Variants in ZNF316 observed in about 807,000 individuals in gnomAD.
ZNF316 encodes the protein zinc finger protein 316.
A neutral mutation model predicts 75.6 loss-of-function variants in ZNF316; 23 were observed. The observed-to-expected ratio is 0.30, with a 90% CI of 0.22 to 0.43. The LOEUF (loss-of-function observed/expected upper bound fraction) is 0.43. Ranked by LOEUF, ZNF316 falls within the 20% of genes least tolerant of loss-of-function variation. The pLI is 1.00. For synonymous variants in ZNF316, 827 were observed against 666.2 expected (o/e 1.24, Z -3.72); for missense variants, 1,266 against 1,409.4 (o/e 0.90, Z 1.63).
In ZNF316 at chr7:6,653,284, C is replaced by T. The variant is rs1779548510; in HGVS notation, c.1688C>T (p.Ala563Val). 1.8e-5 allele frequency: 22 copies of T among 1,227,562 alleles called. No individual in the cohort carries two copies. Among genetic ancestry groups the T allele is most frequent in the Non-Finnish European group, 2.0e-5 (20 of 985,868 alleles). 76.0% of individuals were successfully genotyped at this position (1,227,562 alleles called of 1,614,324 possible). A position where few individuals can be genotyped will look rare whatever the true frequency, so the allele number is the denominator to read the frequency against. ...AEEREEAAVAAPTPSGKVDPA... is the reference protein window; with the variant it reads ...AEEREEAAVAVPTPSGKVDPA... ...GAGAGAGAGGAGGCGGCGGTGGCGG[C>T]GCCCACCCCCAGCGGCAAGGTGGAC... Residue 563 changes from alanine to valine, a missense_variant, in exon 9 of 9, where the codon GCG becomes GTG. Physicochemically the swap from Ala to Val is moderately conservative, Grantham distance 64 (BLOSUM62 0). This residue lies in a region of ZNF316 where 961 missense variants were observed against 990.9 expected (regional missense o/e 0.97). Coordinates refer to ENST00000382252, the MANE Select transcript of ZNF316 (RefSeq NM_001278559.2).
rs28613348 is a variant in ZNF316, at chr7:6,652,326, A to G, written c.730A>G (p.Ile244Val). ...AGGAGCCTGGTTCTGGACGGACGAC[A>G]TAGAGGACCACGAGGAGGAAGACGA... Reference protein sequence around the residue: ...YTGAWFWTDDIEDHEEEDDED... With the variant: ...YTGAWFWTDDVEDHEEEDDED... Residue 244 changes from isoleucine (I) to valine (V), a missense_variant, in exon 9 of 9, where the codon ATA becomes GTA. This residue lies in a region of ZNF316 where 961 missense variants were observed against 990.9 expected (regional missense o/e 0.97). Coordinates refer to ENST00000382252, the MANE Select transcript of ZNF316 (RefSeq NM_001278559.2). The G allele has an allele frequency of 6.5e-3, 8,037 of 1,232,334 alleles. 408 individuals are homozygous for G. In the African/African-American group the frequency reaches 0.11, roughly 17 times the overall value. The allele number at this position is 1,232,334 out of a possible 1,614,324, so 76.3% of individuals were successfully genotyped here.
intron 8 of ZNF316, among the ~76,000 whole-genome samples, chr7:6,647,205 T>C (rs1367760040): frequency 1.3e-5 from 2 of 151,566 alleles, no homozygotes; most frequent in Non-Finnish European, 2.9e-5. Context: ...CCTTCTGAGG[T>C]CACCTGCCCC....
chr7:6,643,013 G>A lies in ZNF316; in HGVS notation c.405G>A (p.Glu135=). Residue 135 remains glutamate (E), a synonymous_variant, in exon 6 of 9, where the codon GAG becomes GAA. Coordinates refer to ENST00000382252, the MANE Select transcript of ZNF316 (RefSeq NM_001278559.2). The part of the protein sequence containing the change: ...APATPRDEDL[E]EEEEEEEDED... ...CCACTCCTAGGGATGAGGACCTGGA[G>A]GAGGAGGAAGAGGAGGAGGAGGATG... 2.4e-6 allele frequency: 3 copies of A among 1,239,278 alleles called. No homozygotes were observed. The highest frequency in any genetic ancestry group is 3.0e-6 in the Non-Finnish European group (3 of 992,366). 76.8% of individuals were successfully genotyped at this position (1,239,278 alleles called of 1,614,324 possible). A position where few individuals can be genotyped will look rare whatever the true frequency, so the allele number is the denominator to read the frequency against.
rs1021233768 is a variant in ZNF316 at position 6,657,713 on chromosome 7, G to A, written c.*3102G>A. ...AATACAAAAATTAGCTGGGTGTGGTGGCGCACGTCTATAGTCCCAGCTACT... is the reference window on the plus strand; with the variant it reads ...AATACAAAAATTAGCTGGGTGTGGTAGCGCACGTCTATAGTCCCAGCTACT... On this transcript the variant is annotated 3_prime_UTR_variant, in exon 9 of 9. Coordinates refer to ENST00000382252, the MANE Select transcript of ZNF316 (RefSeq NM_001278559.2). Among the ~76,000 whole-genome samples the A allele has an allele frequency of 6.6e-6, 1 of 151,588 alleles. No homozygotes were observed. The highest frequency in any genetic ancestry group is 1.5e-5 in the Non-Finnish European group (1 of 67,962).
rs1779623680 is a variant in ZNF316 at position 6,656,223 on chromosome 7, G to C, written c.*1612G>C. 6.6e-6 allele frequency: 1 copy of C among 152,262 alleles called. No individual in the cohort carries two copies. The highest frequency in any genetic ancestry group is 1.5e-5 in the Non-Finnish European group (1 of 68,128). 9.4% of individuals were successfully genotyped at this position (152,262 alleles called of 1,614,324 possible). A position where few individuals can be genotyped will look rare whatever the true frequency, so the allele number is the denominator to read the frequency against. On this transcript the variant is annotated 3_prime_UTR_variant, in exon 9 of 9. Coordinates refer to ENST00000382252, the MANE Select transcript of ZNF316 (RefSeq NM_001278559.2). ...TCCCAGGGAGGCATTGGGGTGCTGG[G>C]TAATGACCTCGGCCCTGGGTTTCTC...
chr7:6,639,833 GTCC>G lies in ZNF316; in HGVS notation c.-167+697_-167+699del, dbSNP rs558368073. The stretch of plus-strand genomic sequence containing the variant: ...CGCCCTGAGTGCTGGGCAGGGCCGT[GTCC>G]TCCTGGAGGTGGCTAGCATAACACG... On this transcript the variant is annotated intron_variant, in intron 3 of 8. Transcript: ENST00000382252. The surrounding 1 kb of genome is among the most constrained non-coding windows in gnomAD (Gnocchi z 4.2). Among the ~76,000 whole-genome samples, 32 of 152,326 alleles carry G rather than the reference GTCC, an allele frequency of 2.1e-4. No individual in the cohort carries two copies. In the East Asian group the frequency reaches 5.6e-3, roughly 27 times the overall value.
chr7:6,654,455 G>C lies in ZNF316; in HGVS notation c.2859G>C (p.Ala953=). Residue 953 remains alanine (A), a synonymous_variant, in exon 9 of 9, where the codon GCG becomes GCC. Coordinates refer to ENST00000382252, the MANE Select transcript of ZNF316 (RefSeq NM_001278559.2). ...GCTCGGGTTCGGCCCCAGCCCCCGC[G>C]CCCAAGCCCGAGGCGGCCGCCAAGG... The part of the protein sequence containing the change: ...APGSGSAPAP[A]PKPEAAAKGP... 1.7e-6 allele frequency: 2 copies of C among 1,198,418 alleles called. No individual in the cohort carries two copies. The highest frequency in any genetic ancestry group is 1.6e-5 in the African/African-American group (1 of 62,952). 74.2% of individuals were successfully genotyped at this position (1,198,418 alleles called of 1,614,324 possible).
chr7:6,653,300 C>T lies in ZNF316; in HGVS notation c.1704C>T (p.Gly568=), dbSNP rs996284128. Residue 568 remains glycine, a synonymous_variant, in exon 9 of 9, where the codon GGC becomes GGT. Transcript: ENST00000382252. ...EAAVAAPTPS[G]KVDPAPERRF... ...CGGTGGCGGCGCCCACCCCCAGCGG[C>T]AAGGTGGACCCCGCGCCGGAACGGC... The T allele has an allele frequency of 8.1e-7, 1 of 1,227,638 alleles. No individual in the cohort carries two copies. Among genetic ancestry groups the T allele is most frequent in the African/African-American group, 1.6e-5 (1 of 64,218 alleles). 76.0% of individuals were successfully genotyped at this position (1,227,638 alleles called of 1,614,324 possible). A position where few individuals can be genotyped will look rare whatever the true frequency, so the allele number is the denominator to read the frequency against.
chr7:6,647,929 G>A (rs2462658), intron 8 of ZNF316, among the ~76,000 whole-genome samples: 48,093 of 151,928 alleles, frequency 0.32, 8,262 homozygotes, highest in East Asian at 0.62. Context: ...CCTACATAGG[G>A]CCCCCACGCT....
chr7:6,644,912 C>T (rs1779372640), intron 8 of ZNF316, among the ~76,000 whole-genome samples: 1 of 152,228 alleles, frequency 6.6e-6, no homozygotes, highest in Admixed American at 6.5e-5. Context: ...GCCCAGCACG[C>T]CATCGCGGAG....
intron 3 of ZNF316, 101 bp from the exon 4 acceptor site, chr7:6,641,724 G>A (rs576156778): frequency 1.3e-5 from 2 of 152,350 alleles, no homozygotes; most frequent in Non-Finnish European, 2.9e-5. Context: ...GTCTGGCGAT[G>A]AGCCGTGTGT....
In ZNF316 at chr7:6,657,468, G is replaced by A. The variant is rs1039820285; in HGVS notation, c.*2857G>A. Reference sequence around the variant, plus strand: ...GACTCCATGTCTGAAACAGACGTTTGAGTGGCAGACAAATACAAAGACCTA... The same window carrying A: ...GACTCCATGTCTGAAACAGACGTTTAAGTGGCAGACAAATACAAAGACCTA... On this transcript the variant is annotated 3_prime_UTR_variant, in exon 9 of 9. Transcript: ENST00000382252. 6.6e-5 allele frequency among the ~76,000 whole-genome samples: 10 copies of A among 152,074 alleles called. No homozygotes were observed. Among genetic ancestry groups the A allele is most frequent in the African/African-American group, 2.2e-4 (9 of 41,416 alleles).
In ZNF316 at chr7:6,642,390, G is replaced by C; in HGVS notation, c.-20G>C. On this transcript the variant is annotated 5_prime_UTR_variant, in exon 5 of 9. Transcript: ENST00000382252. The surrounding 1 kb of genome is among the most constrained non-coding windows in gnomAD (Gnocchi z 8.1). ...GTCCATCTGCATTTCAGGCCACGTG[G>C]AGGCTCGCTCCCAGGGAGGATGGCG... 8.1e-7 allele frequency: 1 copy of C among 1,231,682 alleles called. No individual in the cohort carries two copies. Among genetic ancestry groups the C allele is most frequent in the Non-Finnish European group, 1.0e-6 (1 of 987,600 alleles). 76.3% of individuals were successfully genotyped at this position (1,231,682 alleles called of 1,614,324 possible). A position where few individuals can be genotyped will look rare whatever the true frequency, so the allele number is the denominator to read the frequency against.
intron 6 of ZNF316, among the ~76,000 whole-genome samples, 177 bp from the exon 7 acceptor site, chr7:6,643,645 T>G (rs1779349947): frequency 6.6e-6 from 1 of 152,198 alleles, no homozygotes; most frequent in Non-Finnish European, 1.5e-5. Context: ...GTCCCCATTC[T>G]CTGGCTGGGA....
chr7:6,642,316 G>C lies in ZNF316; in HGVS notation c.-28-66G>C, dbSNP rs1247577001. 2 of 808,836 alleles carry C rather than the reference G, an allele frequency of 2.5e-6. No homozygotes were observed. Among genetic ancestry groups the C allele is most frequent in the African/African-American group, 3.6e-5 (2 of 56,234 alleles). 50.1% of individuals were successfully genotyped at this position (808,836 alleles called of 1,614,324 possible). ...CCTGCGCCCCCGCCAGGCTGCGGGA[G>C]ACCCTGTGAGGGGACCGTGTGGTGT... On this transcript the variant is annotated intron_variant, in intron 4 of 8. Coordinates refer to ENST00000382252, the MANE Select transcript of ZNF316 (RefSeq NM_001278559.2). The surrounding 1 kb of genome is among the most constrained non-coding windows in gnomAD (Gnocchi z 8.1).
chr7:6,638,134 G>A (rs958292930), intron 2 of ZNF316, 125 bp downstream of exon 2: 2 of 153,000 alleles, frequency 1.3e-5, no homozygotes, highest in Admixed American at 6.5e-5. Flanking sequence ...CAGGTACCAG[G>A]AGGATCAGGC....
chr7:6,644,625 C>T (rs564136142), intron 8 of ZNF316, 32 bp downstream of exon 8: 10 of 1,169,710 alleles, frequency 8.5e-6, no homozygotes, highest in East Asian at 3.2e-5. Flanking sequence ...CGGTTTGTGC[C>T]GATAGCTTCT....
chr7:6,644,588 A>G lies in ZNF316; in HGVS notation c.701A>G (p.Tyr234Cys). The G allele has an allele frequency of 7.3e-6, 9 of 1,231,588 alleles. No homozygotes were observed. The highest frequency in any genetic ancestry group is 9.1e-6 in the Non-Finnish European group (9 of 987,294). 76.3% of individuals were successfully genotyped at this position (1,231,588 alleles called of 1,614,324 possible). Residue 234 changes from tyrosine (Y) to cysteine (C), a missense_variant, in exon 8 of 9, where the codon TAC becomes TGC. By Grantham distance (194) the Tyr-to-Cys change is radical. This residue lies in a region of ZNF316 where 961 missense variants were observed against 990.9 expected (regional missense o/e 0.97). Transcript: ENST00000382252. The part of the protein sequence containing the change: ...PEEGDIVTGV[Y>C]TGAWFWTDDI... Reference sequence around the variant, plus strand: ...GAAGGAGACATCGTCACTGGCGTCTACACAGGTGAGCGTGGATGGAATTTT... The same window carrying G: ...GAAGGAGACATCGTCACTGGCGTCTGCACAGGTGAGCGTGGATGGAATTTT...
chr7:6,654,181 C>A lies in ZNF316; in HGVS notation c.2585C>A (p.Ala862Asp). ...ACGGGCGAGAAGCCCTTCCGCTGCGCCGACTGCGGCCGCGGCTTCGCGCAG... is the reference window on the plus strand; with the variant it reads ...ACGGGCGAGAAGCCCTTCCGCTGCGACGACTGCGGCCGCGGCTTCGCGCAG... ...THTGEKPFRC[A>D]DCGRGFAQRS... The change falls in exon 9 of 9, where the codon GCC (alanine) becomes GAC (aspartate). Residue 862 changes from alanine (A) to aspartate (D), a missense_variant. This residue lies in a region of ZNF316 where 194 missense variants were observed against 319.2 expected (regional missense o/e 0.61). Transcript: ENST00000382252. 8.2e-7 allele frequency: 1 copy of A among 1,223,206 alleles called. No homozygotes were observed. The highest frequency in any genetic ancestry group is 1.0e-6 in the Non-Finnish European group (1 of 981,626). The allele number at this position is 1,223,206 out of a possible 1,614,324, so 75.8% of individuals were successfully genotyped here. A position where few individuals can be genotyped will look rare whatever the true frequency, so the allele number is the denominator to read the frequency against.
Sources: allele counts gnomAD v4.1 joint callset (sites outside exome capture counted in the v4.1 genomes callset), GRCh38; gene constraint gnomAD v4.1.1; regional missense constraint gnomAD v4.1.1; non-coding constraint Gnocchi (gnomAD v3.1); transcripts MANE v1.5; gene names NCBI Gene and HGNC (gene_info 2026-07-23, HGNC 2026-07-21).